TMEM232: variants seen among roughly 807,000 people sequenced by gnomAD.
The protein encoded by TMEM232 is transmembrane protein 232.
Under a neutral mutation model 78.8 loss-of-function variants are expected in TMEM232, and 80 were observed. That is an observed-to-expected ratio of 1.01 (90% CI 0.85 to 1.22). The LOEUF is 1.22. Ranked by LOEUF, TMEM232 falls within the 50% of genes most tolerant of loss-of-function variation. TMEM232 has a pLI of 0.00. For synonymous variants in TMEM232, 297 were observed against 254.3 expected (o/e 1.17, Z -1.60); for missense variants, 881 against 742.2 (o/e 1.19, Z -2.17).
intron 4 of TMEM232, among the ~76,000 whole-genome samples, chr5:110,388,982 C>T (rs556023672): frequency 5.3e-5 from 8 of 152,122 alleles, no homozygotes; most frequent in Admixed American, 1.3e-4. Flanking sequence ...GTCTTGGGGC[C>T]GGGTGCAGTG....
chr5:110,496,297 T>C (rs527306031), intron 12 of TMEM232, among the ~76,000 whole-genome samples: 1 of 152,124 alleles, frequency 6.6e-6, no homozygotes, highest in Admixed American at 6.5e-5. Flanking sequence ...AAAACAAGTG[T>C]TACTTTTTCA....
intron 12 of TMEM232, among the ~76,000 whole-genome samples, chr5:110,449,869 T>C (rs1460339448): frequency 6.6e-6 from 1 of 152,124 alleles, no homozygotes; most frequent in Non-Finnish European, 1.5e-5. Context: ...CTGAATTACC[T>C]AGGCTCAACA....
chr5:110,420,503 G>T lies in TMEM232; in HGVS notation c.*77C>A. On this transcript the variant is annotated 3_prime_UTR_variant, in exon 14 of 14. Coordinates refer to ENST00000455884, the MANE Select transcript of TMEM232 (RefSeq NM_001039763.4). The stretch of plus-strand genomic sequence containing the variant: ...GACAAGAAAGTTCTCTTACTATGTA[G>T]CTATCTTGGTATTTTTCATCCTATG... 1 of 893,752 alleles carries T rather than the reference G, an allele frequency of 1.1e-6. No homozygotes were observed. The highest frequency in any genetic ancestry group is 1.6e-6 in the Non-Finnish European group (1 of 640,824). 55.4% of individuals were successfully genotyped at this position (893,752 alleles called of 1,614,324 possible).
chr5:110,520,709 C>A (rs564232753), intron 12 of TMEM232, among the ~76,000 whole-genome samples: 72 of 152,158 alleles, frequency 4.7e-4, no homozygotes, highest in Non-Finnish European at 8.7e-4. Flanking sequence ...CACCTGAGAT[C>A]GGTGGTCGAG....
intron 11 of TMEM232, among the ~76,000 whole-genome samples, chr5:110,546,732 G>C (rs1161844940): frequency 1.3e-5 from 2 of 152,076 alleles, no homozygotes; most frequent in African/African-American, 4.8e-5. Flanking sequence ...ATGGAGTAGT[G>C]AGAGAGTGTC....
chr5:110,408,336 A>G (rs1454248150), intron 2 of TMEM232, among the ~76,000 whole-genome samples: 1 of 152,188 alleles, frequency 6.6e-6, no homozygotes, highest in African/African-American at 2.4e-5. Flanking sequence ...TCACACCTGT[A>G]ATCCCAGCAC....
chr5:110,571,682 G>GT (rs1343244499), intron 10 of TMEM232, among the ~76,000 whole-genome samples: 1 of 147,602 alleles, frequency 6.8e-6, no homozygotes, highest in African/African-American at 2.5e-5. Flanking sequence ...TTGTTTGTTT[G>GT]TTTTGTTTTT....
chr5:110,486,077 T>C (rs182396385), intron 12 of TMEM232, among the ~76,000 whole-genome samples: 1 of 152,196 alleles, frequency 6.6e-6, no homozygotes, highest in East Asian at 1.9e-4. Context: ...ATTAGAGATG[T>C]TGAGCATTTT....
chr5:110,513,689 A>G (rs1581017158), intron 12 of TMEM232: 1 of 157,628 alleles, frequency 6.3e-6, no homozygotes, highest in South Asian at 2.1e-4. Context: ...AATACAAAAG[A>G]TAAGTGTTGA....
chr5:110,538,476 G>T (rs1486939222), intron 11 of TMEM232, among the ~76,000 whole-genome samples: 1 of 152,134 alleles, frequency 6.6e-6, no homozygotes, highest in Non-Finnish European at 1.5e-5. Flanking sequence ...AGCAGCTAAG[G>T]GAAACCTGAA....
Position 110,420,386 on chromosome 5 carries a change from G to A in TMEM232, c.*194C>T. On this transcript the variant is annotated 3_prime_UTR_variant, in exon 14 of 14. Transcript: ENST00000455884. The stretch of plus-strand genomic sequence containing the variant: ...TCACTTCATTCAAGTGTGATTAAAA[G>A]TTGGTCATTAATTTAGAACTAAGAA... 3 of 437,982 alleles carry A rather than the reference G, an allele frequency of 6.8e-6. No homozygotes were observed. Among genetic ancestry groups the A allele is most frequent in the Non-Finnish European group, 1.2e-5 (3 of 254,136 alleles). 27.1% of individuals were successfully genotyped at this position (437,982 alleles called of 1,614,324 possible).
At chr5:110,599,490 T>A (rs1192695421) in intron 10 of TMEM232, among the ~76,000 whole-genome samples, 1 of 151,634 alleles carries the variant, frequency 6.6e-6, no homozygotes, top group African/African-American at 2.4e-5. Context: ...ACCAAGCAAA[T>A]GGAAAGCAAA....
chr5:110,707,636 C>A (rs1283465425), intron 1 of TMEM232, among the ~76,000 whole-genome samples: 1 of 152,170 alleles, frequency 6.6e-6, no homozygotes, highest in Non-Finnish European at 1.5e-5. Flanking sequence ...GGACTCAGAG[C>A]CAGTGGACTA....
intron 12 of TMEM232, among the ~76,000 whole-genome samples, chr5:110,486,530 C>T (rs1339469596): frequency 6.6e-6 from 1 of 152,118 alleles, no homozygotes. Flanking sequence ...CATTCTCCTA[C>T]ATGTGGCTAA....
chr5:110,678,368 C>G (rs1301771075), intron 1 of TMEM232, among the ~76,000 whole-genome samples: 2 of 151,932 alleles, frequency 1.3e-5, no homozygotes, highest in Non-Finnish European at 2.9e-5. Flanking sequence ...CCTAGCCTGA[C>G]TTTACTTTTT....
rs1055372921 is a variant in TMEM232 at position 110,558,888 on chromosome 5, A to C, written c.1455+9559T>G. Among the ~76,000 whole-genome samples, 3 of 151,874 alleles carry C rather than the reference A, an allele frequency of 2.0e-5. No individual in the cohort carries two copies. The East Asian group carries it at 5.8e-4, about 29-fold the overall frequency. ...ATCCCATGCCTGTTTAACTCACCCC[A>C]CCTCTAGGGGCCGTCTGGGGCCAGG... On this transcript the variant is annotated intron_variant, in intron 11 of 13. Coordinates refer to ENST00000455884, the MANE Select transcript of TMEM232 (RefSeq NM_001039763.4).
intron 1 of TMEM232, among the ~76,000 whole-genome samples, chr5:110,682,704 TTCTGCTATGACC>T (rs1222399738): frequency 6.6e-6 from 1 of 152,190 alleles, no homozygotes; most frequent in African/African-American, 2.4e-5. Context: ...AGAATATAGT[TTCTGCTATGACC>T]TCAGCTTTGA....
intron 1 of TMEM232, among the ~76,000 whole-genome samples, chr5:110,702,519 G>C (rs6883520): frequency 0.023 from 3,508 of 152,060 alleles, 124 homozygotes; most frequent in African/African-American, 0.079. Flanking sequence ...GGATTCTTAA[G>C]TACTCTTACT....
intron 11 of TMEM232, among the ~76,000 whole-genome samples, chr5:110,533,936 T>G (rs887211830): frequency 6.6e-6 from 1 of 152,138 alleles, no homozygotes; most frequent in African/African-American, 2.4e-5. Context: ...AAATCTATCC[T>G]CAAAGATATA....
Sources: allele counts gnomAD v4.1 joint callset (sites outside exome capture counted in the v4.1 genomes callset), GRCh38; gene constraint gnomAD v4.1.1; transcripts MANE v1.5; gene names NCBI Gene and HGNC (gene_info 2026-07-23, HGNC 2026-07-21).